SHANK2: variants seen among roughly 807,000 people sequenced by gnomAD.
The protein encoded by SHANK2 is SH3 and multiple ankyrin repeat domains protein 2.
SHANK2 carries 43 observed loss-of-function variants against 133.7 expected under a neutral mutation model. The ratio of observed to expected loss-of-function variants is 0.32; its 90% CI spans 0.25 to 0.41. The LOEUF is 0.41. Among genes scored for constraint, SHANK2 ranks in the 10% least tolerant of loss-of-function variants. SHANK2 has a pLI of 1.00. For synonymous variants in SHANK2, 1,017 were observed against 952.8 expected (o/e 1.07, Z -1.24); for missense variants, 1,994 against 2,235.8 (o/e 0.89, Z 2.18).
rs79531234 is a variant in SHANK2, at chr11:71,113,506, G to C, written c.412-142C>G. The C allele has an allele frequency of 4.5e-4, 324 of 716,394 alleles. 2 individuals carry two copies. In the African/African-American group the frequency reaches 4.6e-3, roughly 10 times the overall value. 44.4% of individuals were successfully genotyped at this position (716,394 alleles called of 1,614,324 possible). A position where few individuals can be genotyped will look rare whatever the true frequency, so the allele number is the denominator to read the frequency against. On this transcript the variant is annotated intron_variant, in intron 4 of 25. Coordinates refer to ENST00000601538, the MANE Select transcript of SHANK2 (RefSeq NM_012309.5). The stretch of plus-strand genomic sequence containing the variant: ...ACTTCCAGTTTTAAATAAATGACTG[G>C]TATTTGCACCCCAGAGCCTACAACA...
chr11:70,507,986 C>T (rs190079891), intron 17 of SHANK2, among the ~76,000 whole-genome samples: 18 of 152,364 alleles, frequency 1.2e-4, no homozygotes, highest in Non-Finnish European at 1.6e-4. Context: ...ACTCCTGCAA[C>T]GCACATTTGC....
intron 11 of SHANK2, among the ~76,000 whole-genome samples, chr11:70,883,274 C>T (rs1555072746): frequency 1.3e-5 from 2 of 152,222 alleles, no homozygotes; most frequent in South Asian, 4.1e-4. Flanking sequence ...CAGATCAAGG[C>T]AGCAGTTGCC....
Position 71,227,924 on chromosome 11 carries a change from T to A in SHANK2, c.-112-3128A>T, listed in dbSNP as rs563130414. ...TAATAAACATATGAGTGGGAAAAAA[T>A]GAACAGGAAACAGAAAAACAACAGA... is the stretch of plus-strand genomic sequence containing the variant. On this transcript the variant is annotated intron_variant, in intron 1 of 25. Coordinates refer to ENST00000601538, the MANE Select transcript of SHANK2 (RefSeq NM_012309.5). Among the ~76,000 whole-genome samples the A allele has an allele frequency of 1.3e-3, 193 of 147,234 alleles. 3 individuals carry two copies. Among genetic ancestry groups the A allele is most frequent in the Admixed American group, 0.012 (185 of 14,900 alleles).
chr11:70,915,933 C>T (rs369405483), intron 10 of SHANK2, among the ~76,000 whole-genome samples: 8 of 152,268 alleles, frequency 5.3e-5, no homozygotes, highest in South Asian at 4.1e-4. Context: ...TATTTCAGAG[C>T]GCAGGCCTGG....
chr11:71,147,813 A>T (rs1555107077), intron 2 of SHANK2, among the ~76,000 whole-genome samples: 1 of 152,230 alleles, frequency 6.6e-6, no homozygotes, highest in Non-Finnish European at 1.5e-5. Flanking sequence ...TCACGCTATA[A>T]TAACCCTCTC....
At chr11:71,242,293 T>A (rs1325588592) in intron 1 of SHANK2, among the ~76,000 whole-genome samples, 1 of 152,164 alleles carries the variant, frequency 6.6e-6, no homozygotes, top group Admixed American at 6.5e-5. Flanking sequence ...TGAAGAGTTC[T>A]ACAGATACAT....
intron 11 of SHANK2, among the ~76,000 whole-genome samples, chr11:70,851,173 G>C (rs1020369473): frequency 8.4e-6 from 1 of 119,020 alleles, no homozygotes; most frequent in African/African-American, 3.1e-5. Context: ...CCAAATACCA[G>C]AGCCTTGCAG....
intron 15 of SHANK2, among the ~76,000 whole-genome samples, chr11:70,664,649 C>T (rs1288272574): frequency 6.6e-6 from 1 of 152,258 alleles, no homozygotes. Flanking sequence ...TGCCCAACGC[C>T]ATCCAAACCT....
intron 2 of SHANK2, among the ~76,000 whole-genome samples, chr11:71,219,328 C>T (rs1387681640): frequency 6.6e-6 from 1 of 152,156 alleles, no homozygotes; most frequent in Non-Finnish European, 1.5e-5. Context: ...ACTTTATTCA[C>T]AAAAGAGAAC....
rs782807638 is a variant in SHANK2 at position 70,502,934 on chromosome 11, G to A, written c.2062-3C>T. 6.2e-7 allele frequency: 1 copy of A among 1,614,160 alleles called. No individual in the cohort carries two copies. The highest frequency in any genetic ancestry group is 1.7e-5 in the Admixed American group (1 of 60,028). On this transcript the variant is annotated splice_polypyrimidine_tract_variant and splice_region_variant and intron_variant, in intron 17 of 25. Coordinates refer to ENST00000601538, the MANE Select transcript of SHANK2 (RefSeq NM_012309.5). ...TTGACAACATTCTCATTGTTAACCT[G>A]TGGGAAGGCGGAGAGGATGGCATCA...
At chr11:70,652,583 G>A (rs1379277812) in intron 17 of SHANK2, among the ~76,000 whole-genome samples, 1 of 152,188 alleles carries the variant, frequency 6.6e-6, no homozygotes, top group Non-Finnish European at 1.5e-5. Flanking sequence ...GCTGAGGTGG[G>A]AGGATCATTT....
At chr11:70,880,517 T>G (rs1334610865) in intron 11 of SHANK2, among the ~76,000 whole-genome samples, 1 of 152,176 alleles carries the variant, frequency 6.6e-6, no homozygotes, top group Non-Finnish European at 1.5e-5. Context: ...CCATTCAGAA[T>G]TAGGAGCTTC....
intron 17 of SHANK2, among the ~76,000 whole-genome samples, chr11:70,650,241 G>C (rs556485891): frequency 6.6e-6 from 1 of 152,330 alleles, no homozygotes; most frequent in East Asian, 1.9e-4. Flanking sequence ...AACCATGTTG[G>C]CTCCTTGGCC....
At chr11:70,767,740 T>C (rs1464687823) in intron 14 of SHANK2, among the ~76,000 whole-genome samples, 1 of 151,618 alleles carries the variant, frequency 6.6e-6, no homozygotes, top group African/African-American at 2.4e-5. Context: ...GGGTTTCTTT[T>C]TGGGGTGATG....
Position 70,745,447 on chromosome 11 carries a change from C to T in SHANK2, c.1778-46684G>A, listed in dbSNP as rs2120945. Among the ~76,000 whole-genome samples, 1,493 of 152,354 alleles carry T rather than the reference C, an allele frequency of 9.8e-3. 31 individuals are homozygous for T. Among genetic ancestry groups the T allele is most frequent in the South Asian group, 0.079 (381 of 4,832 alleles). ...GGGGCTCACAGTCCCTCAAAACAAACCTCCGGGCCTCCGTCCCCTCCTCCT... is the reference window on the plus strand; with the variant it reads ...GGGGCTCACAGTCCCTCAAAACAAATCTCCGGGCCTCCGTCCCCTCCTCCT... On this transcript the variant is annotated intron_variant, in intron 14 of 25. Transcript: ENST00000601538.
chr11:71,166,014 CCA>C (rs1953139736), intron 2 of SHANK2, among the ~76,000 whole-genome samples: 1 of 152,188 alleles, frequency 6.6e-6, no homozygotes, highest in South Asian at 2.1e-4. Context: ...ATGTGAGTGT[CCA>C]CACGCCCCCC....
At chr11:70,621,826 G>C (rs1174857831) in intron 17 of SHANK2, among the ~76,000 whole-genome samples, 1 of 152,192 alleles carries the variant, frequency 6.6e-6, no homozygotes, top group Non-Finnish European at 1.5e-5. Context: ...TCCCAGAAAA[G>C]CATGATTGAG....
chr11:71,079,526 C>T (rs1042658784), intron 8 of SHANK2, among the ~76,000 whole-genome samples: 7 of 151,794 alleles, frequency 4.6e-5, no homozygotes, highest in African/African-American at 1.5e-4. Context: ...TTTGGGAGGC[C>T]GAGGCGGGCG....
At position 70,739,487 on chromosome 11, in the gene SHANK2, G is replaced by A. The variant is rs1223010351; in HGVS notation, c.1778-40724C>T. ...AAGTCTACCTGTGCCCACGTGGGGA[G>A]GGTGTTTGTGCCTGTGCCTTGTCTG... is the stretch of plus-strand genomic sequence containing the variant. On this transcript the variant is annotated intron_variant, in intron 14 of 25. Coordinates refer to ENST00000601538, the MANE Select transcript of SHANK2 (RefSeq NM_012309.5). The surrounding 1 kb of genome is among the most constrained non-coding windows in gnomAD (Gnocchi z 4.3). 5.3e-5 allele frequency among the ~76,000 whole-genome samples: 8 copies of A among 152,158 alleles called. No homozygotes were observed. The highest frequency in any genetic ancestry group is 2.4e-5 in the African/African-American group (1 of 41,442).
Sources: gnomAD v4.1 joint callset for allele counts (sites outside exome capture counted in the v4.1 genomes callset) on GRCh38, gnomAD v4.1.1 for gene constraint, Gnocchi (gnomAD v3.1) non-coding constraint, MANE v1.5 for transcripts, NCBI Gene and HGNC (gene_info 2026-07-23, HGNC 2026-07-21) for gene names.